The following CDYL variants were observed in gnomAD, a reference collection of about 807,000 sequenced individuals.
The protein encoded by CDYL is chromodomain Y-like protein.
A neutral mutation model predicts 47.3 loss-of-function variants in CDYL; 8 were observed. The ratio of observed to expected loss-of-function variants is 0.17; its 90% CI spans 0.10 to 0.31. CDYL has a LOEUF of 0.31. Ranked by LOEUF, CDYL falls within the 10% of genes least tolerant of loss-of-function variation. CDYL has a pLI of 1.00. For synonymous variants in CDYL, 266 were observed against 265.0 expected (o/e 1.00, Z -0.04); for missense variants, 471 against 701.4 (o/e 0.67, Z 3.71).
intron 2 of CDYL, among the ~76,000 whole-genome samples, chr6:4,716,047 G>A (rs9502228): frequency 0.26 from 38,988 of 151,868 alleles, 5,417 homozygotes; most frequent in African/African-American, 0.35. Flanking sequence ...AGGAGATCGA[G>A]ACCATCCTGG....
chr6:4,850,950 G>A (rs549921762), intron 1 of CDYL, among the ~76,000 whole-genome samples: 1 of 152,234 alleles, frequency 6.6e-6, no homozygotes, highest in Non-Finnish European at 1.5e-5. Context: ...GATTACCAGG[G>A]GAAATATAAT....
At chr6:4,710,774 T>C (rs557800627) in intron 1 of CDYL, among the ~76,000 whole-genome samples, 12 of 152,254 alleles carry the variant, frequency 7.9e-5, no homozygotes, top group African/African-American at 2.9e-4. Flanking sequence ...TTCCAAGCTA[T>C]TCCCTCCTCC....
intron 1 of CDYL, among the ~76,000 whole-genome samples, chr6:4,871,584 T>C (rs808590): frequency 0.044 from 6,762 of 152,212 alleles, 499 homozygotes; most frequent in African/African-American, 0.15. Flanking sequence ...GTCTCAGCAT[T>C]GCAGCCTCTC....
chr6:4,924,728 G>A (rs563970563), intron 2 of CDYL, among the ~76,000 whole-genome samples: 1 of 152,280 alleles, frequency 6.6e-6, no homozygotes, highest in South Asian at 2.1e-4. Context: ...ATACTGAGCA[G>A]TTGAAAGAAA....
At chr6:4,737,020 C>T (rs747498367) in intron 3 of CDYL, among the ~76,000 whole-genome samples, 18 of 152,122 alleles carry the variant, frequency 1.2e-4, no homozygotes, top group Admixed American at 6.5e-4. Context: ...AATTGATACC[C>T]GAGAAACTGC....
chr6:4,783,113 T>A (rs1758659835), intron 1 of CDYL, among the ~76,000 whole-genome samples: 1 of 152,166 alleles, frequency 6.6e-6, no homozygotes, highest in Non-Finnish European at 1.5e-5. Context: ...TTCTTTAGAT[T>A]CACCTCTGAC....
intron 1 of CDYL, among the ~76,000 whole-genome samples, chr6:4,793,084 C>T (rs568208146): frequency 6.6e-6 from 1 of 152,258 alleles, no homozygotes; most frequent in East Asian, 1.9e-4. Flanking sequence ...ACTCGTCCTT[C>T]CAGGTATCTT....
intron 3 of CDYL, among the ~76,000 whole-genome samples, chr6:4,771,130 G>A (rs1032040342): frequency 6.6e-6 from 1 of 151,658 alleles, no homozygotes; most frequent in Non-Finnish European, 1.5e-5. Flanking sequence ...TTTTTGGCGG[G>A]GGGGATGGAG....
In CDYL at chr6:4,928,272, G is replaced by T. The variant is rs368668742; in HGVS notation, c.692-7243G>T. ...ACCTTTTGTGTGTGTATGTGTGTGTGTGTGAGGGGGGCTGTCTTTTTATGT... is the reference window on the plus strand; with the variant it reads ...ACCTTTTGTGTGTGTATGTGTGTGTTTGTGAGGGGGGCTGTCTTTTTATGT... On this transcript the variant is annotated intron_variant, in intron 2 of 6. Transcript: ENST00000397588. Among the ~76,000 whole-genome samples the T allele has an allele frequency of 4.6e-5, 7 of 152,350 alleles. No homozygotes were observed. In the East Asian group the frequency reaches 1.3e-3, roughly 29 times the overall value.
At chr6:4,904,381 G>A (rs1757164039) in intron 2 of CDYL, among the ~76,000 whole-genome samples, 1 of 152,230 alleles carries the variant, frequency 6.6e-6, no homozygotes, top group South Asian at 2.1e-4. Context: ...CATCTGCCAA[G>A]GCATCCTTAA....
rs565988724 is a variant in CDYL at position 4,857,906 on chromosome 6, G to A, written c.25-33807G>A. Among the ~76,000 whole-genome samples, 42 of 152,206 alleles carry A rather than the reference G, an allele frequency of 2.8e-4. 1 individual carries two copies. In the Middle Eastern group the frequency reaches 0.027, roughly 99 times the overall value. ...CACTTCTCATTATGCCTGTTAAGAA[G>A]AAAAACCACCTCTTTGCTGAAATAG... On this transcript the variant is annotated intron_variant, in intron 1 of 6. Coordinates refer to ENST00000397588, the MANE Select transcript of CDYL (RefSeq NM_004824.4).
chr6:4,942,003 A>T (rs1432853801), intron 4 of CDYL, among the ~76,000 whole-genome samples: 1 of 152,126 alleles, frequency 6.6e-6, no homozygotes, highest in South Asian at 2.1e-4. Flanking sequence ...ATCTTGTGTC[A>T]TTGACCCCAT....
chr6:4,776,695 G>A lies in CDYL; in HGVS notation c.-89G>A. The A allele has an allele frequency of 1.6e-6, 2 of 1,213,762 alleles. No homozygotes were observed. The highest frequency in any genetic ancestry group is 2.1e-6 in the Non-Finnish European group (2 of 936,616). The allele number at this position is 1,213,762 out of a possible 1,614,324, so 75.2% of individuals were successfully genotyped here. Reference sequence around the variant, plus strand: ...CGCGGGAGCAGGAAGCGCAGGCCACGCAGGACCCAACTGAAACAAAGTGTC... The same window carrying A: ...CGCGGGAGCAGGAAGCGCAGGCCACACAGGACCCAACTGAAACAAAGTGTC... On this transcript the variant is annotated 5_prime_UTR_variant, in exon 1 of 7. Coordinates refer to ENST00000397588, the MANE Select transcript of CDYL (RefSeq NM_004824.4).
intron 3 of CDYL, among the ~76,000 whole-genome samples, chr6:4,745,875 C>G (rs1028430326): frequency 7.2e-5 from 11 of 152,130 alleles, no homozygotes; most frequent in Non-Finnish European, 1.3e-4. Flanking sequence ...GTGGAGGCAA[C>G]AGTGCACAAG....
intron 2 of CDYL, among the ~76,000 whole-genome samples, chr6:4,913,779 A>G (rs956292936): frequency 2.6e-5 from 4 of 152,216 alleles, no homozygotes; most frequent in African/African-American, 4.8e-5. Flanking sequence ...TAACTCCACT[A>G]TTGTAGCCTG....
chr6:4,938,937 C>T (rs557562935), intron 4 of CDYL, among the ~76,000 whole-genome samples: 10 of 152,210 alleles, frequency 6.6e-5, no homozygotes, highest in East Asian at 1.9e-4. Flanking sequence ...TCTGATTTTT[C>T]GGAGATGAAT....
At chr6:4,724,488 T>TC (rs1757452072) in intron 2 of CDYL, 5 of 152,724 alleles carry the variant, frequency 3.3e-5, no homozygotes, top group Non-Finnish European at 5.8e-5. Context: ...AATCGGTGGG[T>TC]TCTTGGTCTC....
intron 2 of CDYL, among the ~76,000 whole-genome samples, chr6:4,719,744 C>T (rs9405766): frequency 0.13 from 19,497 of 152,128 alleles, 1,531 homozygotes; most frequent in African/African-American, 0.23. Context: ...ACTCTGCCCA[C>T]CTATAATGAG....
At chr6:4,799,766 T>G (rs1759174155) in intron 1 of CDYL, among the ~76,000 whole-genome samples, 1 of 152,198 alleles carries the variant, frequency 6.6e-6, no homozygotes, top group African/African-American at 2.4e-5. Flanking sequence ...TGTTTTATTG[T>G]TTTTTGGTCC....
Sources: allele counts gnomAD v4.1 joint callset (sites outside exome capture counted in the v4.1 genomes callset), GRCh38; gene constraint gnomAD v4.1.1; transcripts MANE v1.5; gene names NCBI Gene and HGNC (gene_info 2026-07-23, HGNC 2026-07-21).